Variants in PRKDC observed in about 807,000 individuals in gnomAD.
The protein encoded by PRKDC is protein kinase, DNA-activated, catalytic subunit, also known as DNA-dependent protein kinase catalytic subunit.
PRKDC carries 82 observed loss-of-function variants against 486.9 expected under a neutral mutation model. That is an observed-to-expected ratio of 0.17 (90% confidence interval 0.14 to 0.20). The LOEUF (loss-of-function observed/expected upper bound fraction) is 0.20. PRKDC is among the 10% of genes least tolerant of loss of function. The pLI is 1.00. For synonymous variants in PRKDC, 1,895 were observed against 1,837.0 expected (o/e 1.03, Z -0.81); for missense variants, 4,504 against 5,038.2 (o/e 0.89, Z 3.21).
chr8:47,795,336 C>A (rs539816477), intron 73 of PRKDC, among the ~76,000 whole-genome samples: 2 of 149,406 alleles, frequency 1.3e-5, no homozygotes, highest in South Asian at 2.1e-4. Flanking sequence ...ACTACAGGCG[C>A]CTGCCACCAC....
chr8:47,929,057 C>A, intron 19 of PRKDC, 35 bp downstream of exon 19: 1 of 1,357,738 alleles, frequency 7.4e-7, no homozygotes, highest in South Asian at 1.3e-5. Flanking sequence ...AAAAACAGTT[C>A]ATGATAACAC....
At chr8:47,925,408 T>C (rs1054388420) in intron 21 of PRKDC, among the ~76,000 whole-genome samples, 1 of 152,208 alleles carries the variant, frequency 6.6e-6, no homozygotes, top group African/African-American at 2.4e-5. Flanking sequence ...ACAAAATAAC[T>C]GGCCTGCAGC....
At chr8:47,783,483 G>A (rs1181450268) in intron 78 of PRKDC, among the ~76,000 whole-genome samples, 1 of 151,878 alleles carries the variant, frequency 6.6e-6, no homozygotes, top group Admixed American at 6.6e-5. Context: ...CCAGCTACTC[G>A]GGAGGCTGAG....
intron 25 of PRKDC, among the ~76,000 whole-genome samples, chr8:47,907,591 G>A (rs2089814166): frequency 7.1e-6 from 1 of 140,776 alleles, no homozygotes; most frequent in Non-Finnish European, 1.5e-5. Context: ...CTAGAGCGCA[G>A]TGGTGAAATC....
Position 47,782,715 on chromosome 8 carries a change from A to T in PRKDC, c.11176-117T>A, listed in dbSNP as rs1447401611. 2 of 1,174,360 alleles carry T rather than the reference A, an allele frequency of 1.7e-6. No individual in the cohort carries two copies. The highest frequency in any genetic ancestry group is 5.1e-5 in the East Asian group (2 of 38,852). 72.7% of individuals were successfully genotyped at this position (1,174,360 alleles called of 1,614,324 possible). On this transcript the variant is annotated intron_variant, in intron 78 of 85. Transcript: ENST00000314191. The surrounding 1 kb of genome is among the most constrained non-coding windows in gnomAD (Gnocchi z 4.9). Reference sequence around the variant, plus strand: ...GGGGCCGCCCTCTGAAGACAGTGCCAAAGAGCAGAGCGCCCAGGCCAGCAA... The same window carrying T: ...GGGGCCGCCCTCTGAAGACAGTGCCTAAGAGCAGAGCGCCCAGGCCAGCAA...
intron 40 of PRKDC, among the ~76,000 whole-genome samples, chr8:47,877,097 A>C (rs1350743669): frequency 1.3e-5 from 2 of 152,274 alleles, no homozygotes. Flanking sequence ...GAAGAAGTTC[A>C]ATGAAAGCAA....
At chr8:47,847,514 A>G (rs1419999770) in intron 54 of PRKDC, among the ~76,000 whole-genome samples, 1 of 152,224 alleles carries the variant, frequency 6.6e-6, no homozygotes, top group Non-Finnish European at 1.5e-5. Flanking sequence ...ACAGACTTCA[A>G]TGTAAGACTT....
chr8:47,900,392 A>T lies in PRKDC; in HGVS notation c.3345T>A (p.His1115Gln). The T allele has an allele frequency of 6.2e-7, 1 of 1,610,026 alleles. No individual in the cohort carries two copies. Among genetic ancestry groups the T allele is most frequent in the Non-Finnish European group, 8.5e-7 (1 of 1,178,458 alleles). ...ACGTACCTAAGGACTTCTCATCTGC[A>T]TGTGCTAAGGCCAGACTCTCCATGT... The part of the protein sequence containing the change: ...VIYMESLALA[H>Q]ADEKSLGTIQ... The change falls in exon 28 of 86, where the codon CAT becomes CAA. Residue 1115 changes from histidine (H) to glutamine (Q), a missense_variant. Physicochemically the swap from His to Gln is conservative, Grantham distance 24. Around this residue, in one of 6 missense-constraint regions of PRKDC, gnomAD observed 1,969 missense variants for 2,068.9 expected, o/e 0.95. Transcript: ENST00000314191.
intron 68 of PRKDC, among the ~76,000 whole-genome samples, chr8:47,812,062 A>G (rs1405044746): frequency 6.6e-6 from 1 of 152,228 alleles, no homozygotes; most frequent in Non-Finnish European, 1.5e-5. Context: ...AACTTAATGT[A>G]TAATAAAAAT....
At chr8:47,858,081 C>T (rs8178153) in intron 48 of PRKDC, among the ~76,000 whole-genome samples, 3,654 of 152,252 alleles carry the variant, frequency 0.024, 149 homozygotes, top group African/African-American at 0.083. Context: ...GCTCAAAGGC[C>T]TTTCCAAAAT....
intron 34 of PRKDC, among the ~76,000 whole-genome samples, 167 bp from the exon 35 acceptor site, chr8:47,887,872 G>A (rs2089371328): frequency 6.6e-6 from 1 of 152,026 alleles, no homozygotes; most frequent in East Asian, 1.9e-4. Context: ...TCTTGCTATT[G>A]TGAGACAGGG....
At chr8:47,863,698 G>T in intron 41 of PRKDC, 121 bp from the exon 42 acceptor site, 1 of 792,044 alleles carries the variant, frequency 1.3e-6, no homozygotes, top group Non-Finnish European at 1.9e-6. Flanking sequence ...AGTCAAAAAT[G>T]CTAAATCACT....
chr8:47,794,449 G>A lies in PRKDC; in HGVS notation c.10511C>T (p.Ala3504Val). Reference protein sequence around the residue: ...QFISWISHMVALLDKDQAVAV... With the variant: ...QFISWISHMVVLLDKDQAVAV... ...AACGGCTTGGTCTTTGTCCAGTAAGGCCACCATGTGGCTGATCCAGCTGAT... is the reference window on the plus strand; with the variant it reads ...AACGGCTTGGTCTTTGTCCAGTAAGACCACCATGTGGCTGATCCAGCTGAT... Residue 3504 changes from alanine to valine, a missense_variant, in exon 74 of 86, where the codon GCC becomes GTC. By Grantham distance (64) the Ala-to-Val change is moderately conservative. Transcript: ENST00000314191. 1 of 1,613,742 alleles carries A rather than the reference G, an allele frequency of 6.2e-7. No individual in the cohort carries two copies. The highest frequency in any genetic ancestry group is 1.1e-5 in the South Asian group (1 of 91,074).
At chr8:47,874,500 G>T (rs2089043725) in intron 40 of PRKDC, among the ~76,000 whole-genome samples, 1 of 152,198 alleles carries the variant, frequency 6.6e-6, no homozygotes, top group Non-Finnish European at 1.5e-5. Flanking sequence ...GCTCACGCCT[G>T]TAATCCTAAC....
intron 34 of PRKDC, 60 bp downstream of exon 34, chr8:47,888,453 TAAATA>T (rs1265027066): frequency 1.5e-6 from 2 of 1,350,442 alleles, no homozygotes; most frequent in Non-Finnish European, 2.0e-6. Flanking sequence ...AGAAATAATA[TAAATA>T]AATACACTAA....
chr8:47,878,540 G>A (rs375485244), intron 39 of PRKDC, among the ~76,000 whole-genome samples: 2 of 152,138 alleles, frequency 1.3e-5, no homozygotes, highest in East Asian at 3.9e-4. Context: ...TTCTGGTAAT[G>A]TGCATCTTTT....
At chr8:47,850,809 ACTT>A (rs2088386932) in intron 52 of PRKDC, among the ~76,000 whole-genome samples, 2 of 152,044 alleles carry the variant, frequency 1.3e-5, no homozygotes, top group African/African-American at 2.4e-5. Context: ...TCTCTTACTG[ACTT>A]CTTTTTATTT....
chr8:47,858,049 T>C (rs530932763), intron 48 of PRKDC, among the ~76,000 whole-genome samples: 1 of 152,316 alleles, frequency 6.6e-6, no homozygotes, highest in South Asian at 2.1e-4. Context: ...GTGCAAACTC[T>C]CACTGCACTT....
At chr8:47,903,894 G>A (rs2089727593) in intron 26 of PRKDC, among the ~76,000 whole-genome samples, 1 of 152,146 alleles carries the variant, frequency 6.6e-6, no homozygotes, top group East Asian at 1.9e-4. Context: ...AGACACTGCA[G>A]GGAATTAAAC....
Sources: gnomAD v4.1 joint callset for allele counts (sites outside exome capture counted in the v4.1 genomes callset) on GRCh38, gnomAD v4.1.1 for gene constraint, gnomAD v4.1.1 regional missense constraint, Gnocchi (gnomAD v3.1) non-coding constraint, MANE v1.5 for transcripts, NCBI Gene and HGNC (gene_info 2026-07-23, HGNC 2026-07-21) for gene names.